The following FAM171B variants were observed in gnomAD, a reference collection of about 807,000 sequenced individuals.
FAM171B encodes family with sequence similarity 171 member B.
Under a neutral mutation model 75.6 loss-of-function variants are expected in FAM171B, and 19 were observed. That is an observed-to-expected ratio of 0.25 (90% CI 0.18 to 0.37). The LOEUF (loss-of-function observed/expected upper bound fraction) is 0.37, where lower values mean the gene tolerates loss of function less well. Ranked by LOEUF, FAM171B falls within the 10% of genes least tolerant of loss-of-function variation. FAM171B has a pLI of 1.00. For synonymous variants in FAM171B, 367 were observed against 361.7 expected (o/e 1.01, Z -0.17); for missense variants, 848 against 982.4 (o/e 0.86, Z 1.83).
chr2:186,725,199 C>T (rs888099036), intron 1 of FAM171B, among the ~76,000 whole-genome samples: 1 of 151,974 alleles, frequency 6.6e-6, no homozygotes, highest in African/African-American at 2.4e-5. Flanking sequence ...AAAAAATTAG[C>T]CGGGCGTGGT....
intron 1 of FAM171B, among the ~76,000 whole-genome samples, chr2:186,733,360 A>G (rs1690147748): frequency 6.6e-6 from 1 of 152,234 alleles, no homozygotes; most frequent in Middle Eastern, 3.2e-3. Flanking sequence ...TAGTTCACAC[A>G]GAGCCAGCTG....
intron 1 of FAM171B, among the ~76,000 whole-genome samples, chr2:186,734,422 G>A (rs1166698098): frequency 6.6e-6 from 1 of 151,974 alleles, no homozygotes; most frequent in African/African-American, 2.4e-5. Context: ...TCGTCTCAAA[G>A]AGCGTGCAGC....
At position 186,707,841 on chromosome 2, in the gene FAM171B, TAAAAA is replaced by T. The variant is rs11352829; in HGVS notation, c.238+13439_238+13443del. ...TAGCTTAAATACCACTTTTTTTTTT[TAAAAA>T]AAAAAAAAGGTTTTTCATTGACTTT... On this transcript the variant is annotated intron_variant, in intron 1 of 7. Coordinates refer to ENST00000304698, the MANE Select transcript of FAM171B (RefSeq NM_177454.4). Among the ~76,000 whole-genome samples the T allele has an allele frequency of 7.2e-3, 1,033 of 144,336 alleles. 14 individuals are homozygous for T. The highest frequency in any genetic ancestry group is 0.024 in the African/African-American group (931 of 39,544). The allele number at this position is 144,336 out of a possible 152,430, so 94.7% of individuals were successfully genotyped here. A position where few individuals can be genotyped will look rare whatever the true frequency, so the allele number is the denominator to read the frequency against.
Position 186,762,966 on chromosome 2 carries a change from T to A in FAM171B, c.*143T>A. ...TCAAGCAGAGTAAATGGTAATTCAG[T>A]AATCAGAGAGAAAGATACCAAGGAA... On this transcript the variant is annotated 3_prime_UTR_variant, in exon 8 of 8. Transcript: ENST00000304698. This position sits in a 1 kb window ranked among gnomAD's most constrained non-coding sequence, Gnocchi z 4.0. 1 of 975,644 alleles carries A rather than the reference T, an allele frequency of 1.0e-6. No individual in the cohort carries two copies. Among genetic ancestry groups the A allele is most frequent in the Non-Finnish European group, 1.5e-6 (1 of 672,424 alleles). 60.4% of individuals were successfully genotyped at this position (975,644 alleles called of 1,614,324 possible).
At chr2:186,696,544 G>T (rs1333181598) in intron 1 of FAM171B, among the ~76,000 whole-genome samples, 1 of 140,370 alleles carries the variant, frequency 7.1e-6, no homozygotes, top group East Asian at 2.1e-4. Flanking sequence ...TGCCCAGATC[G>T]TGAAAATGGC....
At chr2:186,742,360 T>TG (rs1574108890) in intron 2 of FAM171B, among the ~76,000 whole-genome samples, 1 of 152,174 alleles carries the variant, frequency 6.6e-6, no homozygotes, top group African/African-American at 2.4e-5. Flanking sequence ...ATAATCACCT[T>TG]GAGGTTCAAA....
chr2:186,745,482 G>T (rs766874745), intron 3 of FAM171B, among the ~76,000 whole-genome samples: 6 of 152,150 alleles, frequency 3.9e-5, no homozygotes, highest in Non-Finnish European at 5.9e-5. Flanking sequence ...TGAGAACACT[G>T]TGAGTCCTCT....
At chr2:186,735,234 G>T (rs1690182329) in intron 1 of FAM171B, among the ~76,000 whole-genome samples, 1 of 152,232 alleles carries the variant, frequency 6.6e-6, no homozygotes, top group South Asian at 2.1e-4. Context: ...CAGGGTGGCA[G>T]TGGCTAGGCA....
chr2:186,765,445 A>T lies in FAM171B; in HGVS notation c.*2622A>T, dbSNP rs1195690478. On this transcript the variant is annotated 3_prime_UTR_variant, in exon 8 of 8. Transcript: ENST00000304698. ...TTTATAAATCAATTTTTATGACTTT[A>T]TGCAGTTGTATAGGGATTATGCCCT... 1 of 152,070 alleles carries T rather than the reference A, an allele frequency of 6.6e-6. No homozygotes were observed. The highest frequency in any genetic ancestry group is 2.4e-5 in the African/African-American group (1 of 41,448). The allele number at this position is 152,070 out of a possible 1,614,324, so 9.4% of individuals were successfully genotyped here. A position where few individuals can be genotyped will look rare whatever the true frequency, so the allele number is the denominator to read the frequency against.
At chr2:186,732,088 T>TCTCTGAAA (rs1690124605) in intron 1 of FAM171B, among the ~76,000 whole-genome samples, 1 of 152,126 alleles carries the variant, frequency 6.6e-6, no homozygotes, top group Admixed American at 6.5e-5. Flanking sequence ...CCTAATGTGG[T>TCTCTGAAA]CCATGAAAAA....
intron 6 of FAM171B, among the ~76,000 whole-genome samples, chr2:186,758,619 G>T (rs985134712): frequency 1.3e-5 from 2 of 152,058 alleles, no homozygotes; most frequent in African/African-American, 2.4e-5. Flanking sequence ...TTGTGATATT[G>T]AAACAGATTA....
At chr2:186,708,944 T>C (rs1484721270) in intron 1 of FAM171B, among the ~76,000 whole-genome samples, 1 of 152,190 alleles carries the variant, frequency 6.6e-6, no homozygotes, top group Non-Finnish European at 1.5e-5. Context: ...GACTTGGTAA[T>C]TTTTAAGAAA....
At chr2:186,697,997 C>T (rs1409525594) in intron 1 of FAM171B, among the ~76,000 whole-genome samples, 1 of 152,102 alleles carries the variant, frequency 6.6e-6, no homozygotes, top group African/African-American at 2.4e-5. Flanking sequence ...GGTTGGTATC[C>T]ATCAAATCAA....
At chr2:186,729,898 C>T (rs1158705387) in intron 1 of FAM171B, among the ~76,000 whole-genome samples, 1 of 152,130 alleles carries the variant, frequency 6.6e-6, no homozygotes, top group Non-Finnish European at 1.5e-5. Context: ...GAGGGACTTG[C>T]CTGTGAATCC....
chr2:186,728,859 T>C (rs1311008134), intron 1 of FAM171B, among the ~76,000 whole-genome samples: 1 of 152,162 alleles, frequency 6.6e-6, no homozygotes, highest in East Asian at 1.9e-4. Flanking sequence ...TCAGAGTCTC[T>C]TGAAAAGAAG....
intron 1 of FAM171B, among the ~76,000 whole-genome samples, chr2:186,737,640 C>G (rs1454757317): frequency 1.3e-5 from 2 of 152,144 alleles, no homozygotes; most frequent in African/African-American, 4.8e-5. Context: ...TCAAGCTCAG[C>G]CTTGTTTTCT....
Position 186,694,068 on chromosome 2 carries a change from C to G in FAM171B, c.-106C>G, listed in dbSNP as rs377090225. ...CGGTGAGGGAGTGCTTGGCAGATTGCGCGAGGGGGAGCGAGCGAGCGGGCG... is the reference window on the plus strand; with the variant it reads ...CGGTGAGGGAGTGCTTGGCAGATTGGGCGAGGGGGAGCGAGCGAGCGGGCG... On this transcript the variant is annotated 5_prime_UTR_variant, in exon 1 of 8. Transcript: ENST00000304698. 1 of 1,353,904 alleles carries G rather than the reference C, an allele frequency of 7.4e-7. No individual in the cohort carries two copies. The highest frequency in any genetic ancestry group is 3.7e-5 in the Admixed American group (1 of 27,352). The allele number at this position is 1,353,904 out of a possible 1,614,324, so 83.9% of individuals were successfully genotyped here. A position where few individuals can be genotyped will look rare whatever the true frequency, so the allele number is the denominator to read the frequency against.
intron 1 of FAM171B, among the ~76,000 whole-genome samples, chr2:186,715,426 C>T (rs1327830214): frequency 6.6e-6 from 1 of 152,116 alleles, no homozygotes; most frequent in Non-Finnish European, 1.5e-5. Context: ...TGGTCTTGAA[C>T]TCCTGGGCTC....
At chr2:186,736,224 A>G (rs1277164312) in intron 1 of FAM171B, among the ~76,000 whole-genome samples, 2 of 152,208 alleles carry the variant, frequency 1.3e-5, no homozygotes, top group Non-Finnish European at 2.9e-5. Flanking sequence ...CTTTTAAGAG[A>G]GTAACCAGGC....
Sources: gnomAD v4.1 joint callset for allele counts (sites outside exome capture counted in the v4.1 genomes callset) on GRCh38, gnomAD v4.1.1 for gene constraint, Gnocchi (gnomAD v3.1) non-coding constraint, MANE v1.5 for transcripts, NCBI Gene and HGNC (gene_info 2026-07-23, HGNC 2026-07-21) for gene names.